Variants in ZGRF1 observed in about 807,000 individuals in gnomAD.
The protein encoded by ZGRF1 is zinc finger GRF-type containing 1, also known as 5'-3' DNA helicase ZGRF1.
In ZGRF1, 196 loss-of-function variants were observed where a neutral mutation model predicts 203.5. That is an observed-to-expected ratio of 0.96 (90% CI 0.86 to 1.08). The LOEUF is 1.08. ZGRF1 is among the 50% of genes least tolerant of loss of function. The pLI is 0.00. For missense variants in ZGRF1, 2,326 were observed against 2,416.3 expected (o/e 0.96, Z 0.78); for synonymous variants, 809 against 841.3 (o/e 0.96, Z 0.66).
In ZGRF1 at chr4:112,620,062, T is replaced by G. The variant is rs772844585; in HGVS notation, c.291A>C (p.Thr97=). The G allele has an allele frequency of 6.2e-7, 1 of 1,613,168 alleles. No homozygotes were observed. The highest frequency in any genetic ancestry group is 8.5e-7 in the Non-Finnish European group (1 of 1,179,510). Reference sequence around the variant, plus strand: ...CAAGAGATCGGCCAGAGGATATAAATGTCCTTGAATTTAACTCTGGTGCTT... The same window carrying G: ...CAAGAGATCGGCCAGAGGATATAAAGGTCCTTGAATTTAACTCTGGTGCTT... ...NKEAPELNSR[T]FISSGRSLGC... is the part of the protein sequence containing the mutation. Residue 97 remains threonine, a synonymous_variant, in exon 5 of 28, where the codon ACA becomes ACC. Coordinates refer to ENST00000505019, the MANE Select transcript of ZGRF1 (RefSeq NM_018392.5).
chr4:112,591,659 CA>C (rs1247516144), intron 10 of ZGRF1, among the ~76,000 whole-genome samples: 1 of 152,158 alleles, frequency 6.6e-6, no homozygotes, highest in Non-Finnish European at 1.5e-5. Flanking sequence ...TCTTCTGCCC[CA>C]AAACCTTTGC....
At chr4:112,613,469 GA>G (rs1366603881) in intron 6 of ZGRF1, among the ~76,000 whole-genome samples, 1 of 151,252 alleles carries the variant, frequency 6.6e-6, no homozygotes, top group Admixed American at 6.6e-5. Flanking sequence ...AAAATTCCTT[GA>G]AAAAAGAGAG....
At chr4:112,580,664 G>A (rs1746064500) in intron 16 of ZGRF1, among the ~76,000 whole-genome samples, 1 of 152,064 alleles carries the variant, frequency 6.6e-6, no homozygotes, top group Admixed American at 6.6e-5. Context: ...GCAGCCAAAA[G>A]ACACATGAAA....
intron 3 of ZGRF1, chr4:112,628,786 A>C (rs886631882): frequency 2.3e-6 from 1 of 442,472 alleles, no homozygotes; most frequent in African/African-American, 2.0e-5. Context: ...AGAAGACAAC[A>C]CAAAGGATAT....
chr4:112,558,652 C>A (rs1169096627), intron 19 of ZGRF1, among the ~76,000 whole-genome samples: 1 of 152,236 alleles, frequency 6.6e-6, no homozygotes, highest in Non-Finnish European at 1.5e-5. Context: ...AGCCACTGTG[C>A]CTGGTCAAAC....
intron 24 of ZGRF1, among the ~76,000 whole-genome samples, chr4:112,544,639 A>T (rs1237363003): frequency 6.6e-6 from 1 of 152,228 alleles, no homozygotes; most frequent in Non-Finnish European, 1.5e-5. Flanking sequence ...GATCTGAGAG[A>T]GTATCTGACA....
intron 6 of ZGRF1, among the ~76,000 whole-genome samples, chr4:112,612,848 G>A (rs2046736926): frequency 2.0e-5 from 3 of 152,082 alleles, no homozygotes; most frequent in African/African-American, 7.2e-5. Flanking sequence ...TAGTAGGAAT[G>A]TTTCCTTGTA....
At chr4:112,562,542 C>T in intron 17 of ZGRF1, 57 bp from the exon 18 acceptor site, 1 of 1,078,194 alleles carries the variant, frequency 9.3e-7, no homozygotes, top group South Asian at 1.3e-5. Context: ...ACCATAAAAA[C>T]TCTGTGTTAA....
intron 16 of ZGRF1, chr4:112,564,940 A>C (rs1458362447): frequency 1.3e-6 from 1 of 772,216 alleles, no homozygotes; most frequent in African/African-American, 1.7e-5. Flanking sequence ...GTCGCTGACC[A>C]AGCTCCAGCC....
intron 16 of ZGRF1, among the ~76,000 whole-genome samples, chr4:112,573,605 T>C (rs1744617475): frequency 6.6e-6 from 1 of 152,086 alleles, no homozygotes; most frequent in Non-Finnish European, 1.5e-5. Context: ...AAACATTTAG[T>C]AGAAAATATA....
Position 112,612,696 on chromosome 4 carries a change from C to A in ZGRF1, c.2603-108G>T, listed in dbSNP as rs1251836684. 4 of 641,992 alleles carry A rather than the reference C, an allele frequency of 6.2e-6. No homozygotes were observed. The Admixed American group carries it at 1.1e-4, about 18-fold the overall frequency. 39.8% of individuals were successfully genotyped at this position (641,992 alleles called of 1,614,324 possible). On this transcript the variant is annotated intron_variant, in intron 6 of 27. Transcript: ENST00000505019. The stretch of plus-strand genomic sequence containing the variant: ...AGGAATATAACTTAAATTTTAAGAT[C>A]AGACAATCTTGGTAATTGTTCAATC...
chr4:112,603,665 T>A lies in ZGRF1; in HGVS notation c.2835A>T (p.Gly945=). 6.2e-7 allele frequency: 1 copy of A among 1,613,892 alleles called. No homozygotes were observed. The highest frequency in any genetic ancestry group is 1.1e-5 in the South Asian group (1 of 91,032). ...TGACCATTACACCACTAGTAGCTGA[T>A]CCTTTTACTTGATGTCCTTGAAACT... is the stretch of plus-strand genomic sequence containing the variant. ...PVEFQGHQVK[G]SATSGVMVRG... The change falls in exon 10 of 28, where the codon GGA becomes GGT. Residue 945 remains glycine (G), a synonymous_variant. Coordinates refer to ENST00000505019, the MANE Select transcript of ZGRF1 (RefSeq NM_018392.5).
At chr4:112,628,160 A>T (rs1258061591) in intron 3 of ZGRF1, among the ~76,000 whole-genome samples, 1 of 152,246 alleles carries the variant, frequency 6.6e-6, no homozygotes, top group Non-Finnish European at 1.5e-5. Flanking sequence ...GTCAAAAATT[A>T]GATAAAAGTC....
chr4:112,561,911 CTTTTTTTTTT>C (rs11385405), intron 18 of ZGRF1, among the ~76,000 whole-genome samples: 29 of 108,198 alleles, frequency 2.7e-4, no homozygotes, highest in Non-Finnish European at 3.7e-4. Flanking sequence ...TTCCTTTTCT[CTTTTTTTTTT>C]TTTTTTTTTT....
At chr4:112,562,736 A>C (rs928914776) in intron 17 of ZGRF1, among the ~76,000 whole-genome samples, 1 of 152,236 alleles carries the variant, frequency 6.6e-6, no homozygotes, top group Non-Finnish European at 1.5e-5. Flanking sequence ...TATATCAGCA[A>C]ATGAACAAGA....
At chr4:112,551,404 T>C (rs1203750998) in intron 22 of ZGRF1, among the ~76,000 whole-genome samples, 1 of 152,240 alleles carries the variant, frequency 6.6e-6, no homozygotes, top group African/African-American at 2.4e-5. Flanking sequence ...CACTTCTTGA[T>C]AGCAAGGGCA....
At chr4:112,631,754 T>A (rs2047418336) in intron 3 of ZGRF1, among the ~76,000 whole-genome samples, 176 bp downstream of exon 3, 1 of 152,252 alleles carries the variant, frequency 6.6e-6, no homozygotes, top group Admixed American at 6.5e-5. Context: ...ATTAATGAAC[T>A]ATTTTTATAA....
intron 22 of ZGRF1, among the ~76,000 whole-genome samples, chr4:112,549,678 C>T (rs117270886): frequency 0.014 from 2,119 of 152,020 alleles, 16 homozygotes; most frequent in Middle Eastern, 0.044. Flanking sequence ...CATACAGTTA[C>T]GTACAGTTCA....
At chr4:112,632,363 G>A (rs1348539991) in intron 2 of ZGRF1, among the ~76,000 whole-genome samples, 3 of 152,064 alleles carry the variant, frequency 2.0e-5, no homozygotes, top group Non-Finnish European at 4.4e-5. Context: ...GTCATCAATT[G>A]GAAGGGAAAA....
Sources: gnomAD v4.1 joint callset for allele counts (sites outside exome capture counted in the v4.1 genomes callset) on GRCh38, gnomAD v4.1.1 for gene constraint, MANE v1.5 for transcripts, NCBI Gene and HGNC (gene_info 2026-07-23, HGNC 2026-07-21) for gene names.